Variants in ODAD1 observed in about 807,000 individuals in gnomAD.
ODAD1 encodes outer dynein arm docking complex subunit 1, also known as outer dynein arm-docking complex subunit 1.
In ODAD1, 49 loss-of-function variants were observed where a neutral mutation model predicts 67.2. The ratio of observed to expected loss-of-function variants is 0.73; its 90% confidence interval spans 0.58 to 0.92. The LOEUF is 0.92. Among genes scored for constraint, ODAD1 ranks in the 40% least tolerant of loss-of-function variants. The pLI is 0.00. For missense variants in ODAD1, 897 were observed against 953.7 expected, an observed-to-expected ratio of 0.94 and a Z score of 0.78; for synonymous variants, 345 against 393.7, an observed-to-expected ratio of 0.88 and a Z score of 1.46.
At chr19:48,305,559 C>A (rs1569005781) in intron 8 of ODAD1, among the ~76,000 whole-genome samples, 2 of 152,108 alleles carry the variant, frequency 1.3e-5, no homozygotes, top group Non-Finnish European at 2.9e-5. Flanking sequence ...CACCCGCCAC[C>A]ATGCCCAGCT....
intron 8 of ODAD1, among the ~76,000 whole-genome samples, chr19:48,305,560 A>G (rs2147319899): frequency 6.6e-6 from 1 of 152,054 alleles, no homozygotes; most frequent in East Asian, 2.0e-4. Context: ...ACCCGCCACC[A>G]TGCCCAGCTA....
Position 48,296,779 on chromosome 19 carries a change from G to C in ODAD1, c.*197C>G. 1 of 1,417,206 alleles carries C rather than the reference G, an allele frequency of 7.1e-7. No homozygotes were observed. The highest frequency in any genetic ancestry group is 1.6e-5 in the South Asian group (1 of 62,482). The allele number at this position is 1,417,206 out of a possible 1,614,324, so 87.8% of individuals were successfully genotyped here. Reference sequence around the variant, plus strand: ...GAGTCAGAGGGAAAAGCAGTGTCAGGAGCAGAGAGAAAGGAACCGGGAGAC... The same window carrying C: ...GAGTCAGAGGGAAAAGCAGTGTCAGCAGCAGAGAGAAAGGAACCGGGAGAC... On this transcript the variant is annotated 3_prime_UTR_variant, in exon 16 of 16. Coordinates refer to ENST00000674294, the MANE Select transcript of ODAD1 (RefSeq NM_001364171.2).
In ODAD1 at chr19:48,302,855, T is replaced by A. The variant is rs759585116; in HGVS notation, c.1079A>T (p.Glu360Val). The A allele has an allele frequency of 9.9e-6, 16 of 1,613,718 alleles. No individual in the cohort carries two copies. In the Admixed American group the frequency reaches 1.8e-4, roughly 19 times the overall value. The change falls in exon 12 of 16, where the codon GAG becomes GTG. Residue 360 changes from glutamate to valine, a missense_variant. Physicochemically the swap from Glu to Val is moderately radical, Grantham distance 121. Transcript: ENST00000674294. ...HVQEEIKEMQ[E>V]ALVSARASKD... is the part of the protein sequence containing the mutation. ...GCTGGCACGTGCGCTCACCAAAGCC[T>A]CCTGCATCTGTGGGGACAGGGCTGA...
chr19:48,300,225 C>A (rs7258665), intron 12 of ODAD1, among the ~76,000 whole-genome samples: 57,031 of 151,774 alleles, frequency 0.38, 11,253 homozygotes, highest in African/African-American at 0.47. Context: ...ACTGCTTGAA[C>A]CTGGGTGGCA....
intron 7 of ODAD1, among the ~76,000 whole-genome samples, chr19:48,306,624 G>C (rs1223877090): frequency 6.6e-6 from 1 of 152,168 alleles, no homozygotes; most frequent in African/African-American, 2.4e-5. Flanking sequence ...TTCCCTAGGA[G>C]ACCTTTTGGA....
At chr19:48,303,541 C>T in intron 10 of ODAD1, 109 bp downstream of exon 10, 1 of 1,399,976 alleles carries the variant, frequency 7.1e-7, no homozygotes, top group South Asian at 1.2e-5. Flanking sequence ...CCTTGTTCCT[C>T]CAGCACAGAT....
intron 12 of ODAD1, among the ~76,000 whole-genome samples, chr19:48,299,946 C>T (rs1359915112): frequency 6.7e-6 from 1 of 149,890 alleles, no homozygotes; most frequent in East Asian, 1.9e-4. Context: ...GAGTCCAAGA[C>T]AGGAGGATCA....
chr19:48,321,496 G>T (rs943849407), intron 1 of ODAD1, 182 bp downstream of exon 1: 19 of 260,440 alleles, frequency 7.3e-5, no homozygotes, highest in Non-Finnish European at 6.5e-5. Context: ...GGGCTTCGCA[G>T]ACAGCGAGCG....
chr19:48,311,876 C>A, intron 6 of ODAD1, 118 bp downstream of exon 6: 1 of 996,288 alleles, frequency 1.0e-6, no homozygotes, highest in Non-Finnish European at 1.5e-6. Context: ...CCTCCAGAAT[C>A]CTGTGTCCTG....
Position 48,297,198 on chromosome 19 carries a change from G to GC in ODAD1, c.1901dup (p.His635ProfsTer40), listed in dbSNP as rs1968313461. ...CGCTGACGGGTCTGAAGGTCACGTG[G>GC]CCCCCACTCGAGGCACTGGTGGAGC... is the stretch of plus-strand genomic sequence containing the variant. On this transcript the variant is annotated frameshift_variant, in exon 16 of 16. Transcript: ENST00000674294. LOFTEE classifies it low-confidence loss of function (END_TRUNC). 1 of 1,613,966 alleles carries GC rather than the reference G, an allele frequency of 6.2e-7. No homozygotes were observed. The highest frequency in any genetic ancestry group is 1.3e-5 in the African/African-American group (1 of 74,918).
chr19:48,298,413 C>T (rs977829767), intron 12 of ODAD1, 73 bp from the exon 13 acceptor site: 8 of 1,461,774 alleles, frequency 5.5e-6, no homozygotes, highest in African/African-American at 4.2e-5. Flanking sequence ...CCACTCAGGT[C>T]CTCACTGCCC....
chr19:48,296,828 C>T lies in ODAD1; in HGVS notation c.*148G>A. 1 of 1,428,620 alleles carries T rather than the reference C, an allele frequency of 7.0e-7. No individual in the cohort carries two copies. The highest frequency in any genetic ancestry group is 9.1e-7 in the Non-Finnish European group (1 of 1,097,758). The allele number at this position is 1,428,620 out of a possible 1,614,324, so 88.5% of individuals were successfully genotyped here. A position where few individuals can be genotyped will look rare whatever the true frequency, so the allele number is the denominator to read the frequency against. On this transcript the variant is annotated 3_prime_UTR_variant, in exon 16 of 16. Transcript: ENST00000674294. ...ACACAGGTGAGGCGGTGATGAAGGG[C>T]AGATGAAAACAGTTGAAGGGGCAAA...
intron 10 of ODAD1, chr19:48,303,392 A>G (rs1968520723): frequency 3.3e-6 from 2 of 604,082 alleles, no homozygotes; most frequent in South Asian, 4.0e-5. Context: ...GGGTAAGGAG[A>G]GAAACAGAGA....
chr19:48,305,686 G>A lies in ODAD1; in HGVS notation c.665+570C>T, dbSNP rs970670000. On this transcript the variant is annotated intron_variant, in intron 8 of 15. Transcript: ENST00000674294. ...CTCCCAAAGTGTTGGGATTACAGGC[G>A]TGAGCCACCTCGCCCAGCCAGTAGA... Among the ~76,000 whole-genome samples, 16 of 152,156 alleles carry A rather than the reference G, an allele frequency of 1.1e-4. 1 individual carries two copies. Among genetic ancestry groups the A allele is most frequent in the East Asian group, 7.8e-4 (4 of 5,138 alleles).
intron 3 of ODAD1, 152 bp downstream of exon 3, chr19:48,320,147 T>G: frequency 1.1e-6 from 1 of 882,212 alleles, no homozygotes; most frequent in Non-Finnish European, 1.5e-6. Context: ...CCCACCGTGG[T>G]GCCCGCCCCG....
chr19:48,319,949 G>T, intron 3 of ODAD1: 1 of 759,420 alleles, frequency 1.3e-6, no homozygotes, highest in Non-Finnish European at 1.6e-6. Context: ...CCACAACAAA[G>T]AATTATCCCA....
chr19:48,297,773 C>A, intron 14 of ODAD1, 105 bp from the exon 15 acceptor site: 2 of 1,069,024 alleles, frequency 1.9e-6, no homozygotes, highest in Non-Finnish European at 2.6e-6. Flanking sequence ...TCCCACCAGC[C>A]CCGAGTGCCC....
In ODAD1 at chr19:48,308,764, G is replaced by A. The variant is rs190222062; in HGVS notation, c.598-2441C>T. On this transcript the variant is annotated intron_variant, in intron 7 of 15. Transcript: ENST00000674294. ...GCTCCACAGAGCAGGCAGGATCCCC[G>A]CCCTCCTGGGCGGGACTACAGCTGC... Among the ~76,000 whole-genome samples, 37 of 152,048 alleles carry A rather than the reference G, an allele frequency of 2.4e-4. 1 individual carries two copies. The South Asian group carries it at 5.4e-3, about 22-fold the overall frequency.
chr19:48,296,869 C>T lies in ODAD1; in HGVS notation c.*107G>A, dbSNP rs1007390709. ...AAGGGGCAAAAAGACAGAGGCCTGC[C>T]ACTGGGAGAAAAAGACAGAGACCCA... On this transcript the variant is annotated 3_prime_UTR_variant, in exon 16 of 16. Coordinates refer to ENST00000674294, the MANE Select transcript of ODAD1 (RefSeq NM_001364171.2). 6.3e-6 allele frequency: 9 copies of T among 1,437,648 alleles called. No homozygotes were observed. Among genetic ancestry groups the T allele is most frequent in the Admixed American group, 2.9e-5 (1 of 34,854 alleles). The allele number at this position is 1,437,648 out of a possible 1,614,324, so 89.1% of individuals were successfully genotyped here.
Sources: gnomAD v4.1 joint callset for allele counts (sites outside exome capture counted in the v4.1 genomes callset) on GRCh38, gnomAD v4.1.1 for gene constraint, MANE v1.5 for transcripts, NCBI Gene and HGNC (gene_info 2026-07-23, HGNC 2026-07-21) for gene names.